CPAP: variants seen among roughly 807,000 people sequenced by gnomAD.
CPAP encodes centrosome assembly and centriole elongation protein.
At chr13:24,931,799 C>A in the CPAP span, among the ~76,000 whole-genome samples, 3 of 152,202 alleles carry the variant, frequency 2.0e-5, no homozygotes, top group African/African-American at 7.2e-5. Context: ...CGAACTTTCC[C>A]GAAATTTTCT....
the CPAP span, chr13:24,905,282 C>T: frequency 6.9e-7 from 1 of 1,443,674 alleles, no homozygotes; most frequent in South Asian, 1.2e-5. Context: ...AGCATTCTGA[C>T]AGCATACTGA....
At chr13:24,896,782 GTAAGATTTTCA>G in the CPAP span, among the ~76,000 whole-genome samples, 1 of 152,142 alleles carries the variant, frequency 6.6e-6, no homozygotes, top group Non-Finnish European at 1.5e-5. Context: ...TTTGGATCTG[GTAAGATTTTCA>G]TAACACAGCA....
At chr13:24,907,175 A>G in the CPAP span, 29 of 1,613,190 alleles carry the variant, frequency 1.8e-5, no homozygotes, top group South Asian at 2.9e-4. Context: ...TCCTTTCTCC[A>G]ATAGCAGCTT....
chr13:24,918,117 A>G, the CPAP span, among the ~76,000 whole-genome samples: 1 of 152,254 alleles, frequency 6.6e-6, no homozygotes. Flanking sequence ...AAAAAGATGT[A>G]TGAACAATTT....
At chr13:24,932,054 G>A in the CPAP span, among the ~76,000 whole-genome samples, 2 of 152,198 alleles carry the variant, frequency 1.3e-5, no homozygotes, top group Non-Finnish European at 2.9e-5. Flanking sequence ...TGCTAGGGAC[G>A]CTGCGCTCTC....
chr13:24,915,828 A>C, the CPAP span, among the ~76,000 whole-genome samples: 73 of 151,870 alleles, frequency 4.8e-4, no homozygotes, highest in Non-Finnish European at 3.8e-4. Context: ...AACAACAAAA[A>C]CAGATAAGAG....
At chr13:24,882,999 G>T in the CPAP span, 1 of 617,946 alleles carries the variant, frequency 1.6e-6, no homozygotes, top group Non-Finnish European at 2.9e-6. Flanking sequence ...AATTATAAAT[G>T]AGAGCTATCA....
chr13:24,912,541 T>G, the CPAP span: 2 of 1,499,270 alleles, frequency 1.3e-6, no homozygotes, highest in Non-Finnish European at 1.9e-6. Context: ...AACAGAAACC[T>G]GCAATGACAT....
the CPAP span, among the ~76,000 whole-genome samples, chr13:24,900,017 G>A: frequency 1.1e-3 from 166 of 151,452 alleles, no homozygotes; most frequent in African/African-American, 3.7e-3. Context: ...GAAGACAGAC[G>A]ATAATAAAGA....
the CPAP span, among the ~76,000 whole-genome samples, chr13:24,909,352 C>T: frequency 6.6e-6 from 1 of 152,032 alleles, no homozygotes; most frequent in African/African-American, 2.4e-5. Context: ...CATGTTGAAA[C>T]CCCATCTCTA....
the CPAP span, among the ~76,000 whole-genome samples, chr13:24,917,225 G>A: frequency 6.6e-6 from 1 of 152,130 alleles, no homozygotes; most frequent in Non-Finnish European, 1.5e-5. Flanking sequence ...CTGCACTCCT[G>A]CCTGGGGGAC....
chr13:24,895,967 G>A, the CPAP span, among the ~76,000 whole-genome samples: 1 of 152,178 alleles, frequency 6.6e-6, no homozygotes, highest in African/African-American at 2.4e-5. Flanking sequence ...TAACTGTAAT[G>A]TAAAGGAAGG....
At chr13:24,917,145 G>A in the CPAP span, among the ~76,000 whole-genome samples, 33 of 152,134 alleles carry the variant, frequency 2.2e-4, no homozygotes, top group African/African-American at 8.0e-4. Context: ...AGCTACTCGG[G>A]GAGGCTGAGG....
the CPAP span, chr13:24,885,538 T>C: frequency 1.5e-6 from 2 of 1,292,442 alleles, no homozygotes; most frequent in East Asian, 4.6e-5. Context: ...AAACGTTAAG[T>C]CTATTAACAA....
chr13:24,904,638 C>T, the CPAP span, among the ~76,000 whole-genome samples: 1 of 152,068 alleles, frequency 6.6e-6, no homozygotes, highest in African/African-American at 2.4e-5. Context: ...TGAAATATCC[C>T]AAAATGGCAT....
At chr13:24,892,644 G>T in the CPAP span, 9 of 1,612,270 alleles carry the variant, frequency 5.6e-6, no homozygotes, top group Non-Finnish European at 7.6e-6. Flanking sequence ...CCTGCCTACC[G>T]CAAGCTTGTC....
chr13:24,904,197 A>C, the CPAP span: 9 of 980,572 alleles, frequency 9.2e-6, no homozygotes, highest in Non-Finnish European at 9.2e-6. Context: ...TGCTTCAAAC[A>C]TGAAAAGGAA....
the CPAP span, among the ~76,000 whole-genome samples, chr13:24,891,458 T>C: frequency 6.6e-6 from 1 of 152,308 alleles, no homozygotes; most frequent in South Asian, 2.1e-4. Flanking sequence ...CTGGTGGCCA[T>C]GTGCTCCCTT....
the CPAP span, chr13:24,913,174 C>A: frequency 1.5e-6 from 1 of 649,490 alleles, no homozygotes; most frequent in Non-Finnish European, 2.7e-6. Flanking sequence ...CTCAACCCAG[C>A]ATAAAAATGT....
Sources: allele counts gnomAD v4.1 joint callset (sites outside exome capture counted in the v4.1 genomes callset), GRCh38; gene constraint gnomAD v4.1.1; transcripts MANE v1.5; gene names NCBI Gene and HGNC (gene_info 2026-07-23, HGNC 2026-07-21).